The following ADGRL3 variants were observed in gnomAD, a reference collection of about 807,000 sequenced individuals.
ADGRL3 encodes the protein calcium-independent alpha-latrotoxin receptor 3.
Under a neutral mutation model 153.5 loss-of-function variants are expected in ADGRL3, and 62 were observed. That is an observed-to-expected ratio of 0.40 (90% CI 0.33 to 0.50). The LOEUF (loss-of-function observed/expected upper bound fraction) is 0.50. ADGRL3 is among the 20% of genes least tolerant of loss of function. The pLI is 0.47. For missense variants in ADGRL3, 1,641 were observed against 1,859.4 expected (o/e 0.88, Z 2.16); for synonymous variants, 710 against 672.5 (o/e 1.06, Z -0.86).
intron 8 of ADGRL3, among the ~76,000 whole-genome samples, chr4:61,782,844 G>A (rs189467553): frequency 1.6e-3 from 246 of 152,220 alleles, no homozygotes; most frequent in Non-Finnish European, 1.8e-3. Context: ...GACAGACATA[G>A]TCTGAATGTG....
In ADGRL3 at chr4:61,477,471, G is replaced by T. The variant is rs1054944251; in HGVS notation, c.-173-19650G>T. On this transcript the variant is annotated intron_variant, in intron 2 of 26. Transcript: ENST00000683033. ...TTAACATACCATGAATAAATTATCT[G>T]CACCAAAGTGCTTGATACAAAAATG... Among the ~76,000 whole-genome samples the T allele has an allele frequency of 3.3e-5, 5 of 152,168 alleles. No individual in the cohort carries two copies. The South Asian group carries it at 8.3e-4, about 25-fold the overall frequency.
chr4:61,491,589 T>C (rs1368832529), intron 2 of ADGRL3, among the ~76,000 whole-genome samples: 1 of 152,120 alleles, frequency 6.6e-6, no homozygotes, highest in Non-Finnish European at 1.5e-5. Context: ...TCATTTCTTT[T>C]TCATTATTTT....
At chr4:61,862,191 TG>T (rs1216207215) in intron 9 of ADGRL3, among the ~76,000 whole-genome samples, 1 of 152,176 alleles carries the variant, frequency 6.6e-6, no homozygotes, top group Non-Finnish European at 1.5e-5. Context: ...TACCATGACA[TG>T]GGTCTTTCCA....
intron 13 of ADGRL3, among the ~76,000 whole-genome samples, chr4:61,913,713 A>G (rs1486121934): frequency 6.6e-6 from 1 of 152,078 alleles, no homozygotes; most frequent in African/African-American, 2.4e-5. Flanking sequence ...AATGATCTGA[A>G]TATTCACATC....
At chr4:61,846,712 G>A (rs1332369308) in intron 9 of ADGRL3, among the ~76,000 whole-genome samples, 1 of 151,890 alleles carries the variant, frequency 6.6e-6, no homozygotes, top group African/African-American at 2.4e-5. Context: ...TCTGCAGGTC[G>A]TACAGGAAAC....
intron 9 of ADGRL3, among the ~76,000 whole-genome samples, chr4:61,879,210 C>T (rs1304193586): frequency 6.6e-6 from 1 of 152,124 alleles, no homozygotes; most frequent in East Asian, 1.9e-4. Context: ...TATTGTGTGT[C>T]AGTATTACTA....
intron 6 of ADGRL3, among the ~76,000 whole-genome samples, chr4:61,727,556 C>A (rs1204847867): frequency 1.3e-5 from 2 of 152,066 alleles, no homozygotes; most frequent in African/African-American, 4.8e-5. Context: ...TATTTATTAT[C>A]TCATTACAGA....
Position 61,582,980 on chromosome 4 carries a change from G to A in ADGRL3, c.260-4247G>A, listed in dbSNP as rs533094877. Among the ~76,000 whole-genome samples, 14 of 152,028 alleles carry A rather than the reference G, an allele frequency of 9.2e-5. No homozygotes were observed. The East Asian group carries it at 1.9e-3, about 21-fold the overall frequency. ...TATTCTACTCCTGAATTCTAGACTC[G>A]TGAATTCAACTGATTATTAACCATT... On this transcript the variant is annotated intron_variant, in intron 4 of 26. Transcript: ENST00000683033.
chr4:61,807,083 G>A (rs957825820), intron 8 of ADGRL3, among the ~76,000 whole-genome samples: 1 of 151,964 alleles, frequency 6.6e-6, no homozygotes, highest in African/African-American at 2.4e-5. Context: ...TTTAGCAAAT[G>A]GATTTCTCAA....
chr4:61,475,864 A>G (rs2098041310), intron 2 of ADGRL3, among the ~76,000 whole-genome samples: 1 of 140,374 alleles, frequency 7.1e-6, no homozygotes, highest in South Asian at 2.3e-4. Context: ...TAGATCATGT[A>G]CTGATGAACA....
At chr4:61,807,188 C>T (rs549611142) in intron 8 of ADGRL3, among the ~76,000 whole-genome samples, 1 of 152,070 alleles carries the variant, frequency 6.6e-6, no homozygotes, top group Admixed American at 6.5e-5. Flanking sequence ...ACATAGTAGA[C>T]CCACATTACA....
intron 1 of ADGRL3, among the ~76,000 whole-genome samples, chr4:61,312,646 A>C (rs750221649): frequency 6.6e-6 from 1 of 152,210 alleles, no homozygotes; most frequent in African/African-American, 2.4e-5. Flanking sequence ...TTAACATTAT[A>C]TGACATTATG....
At chr4:61,426,669 A>G (rs559938090) in intron 2 of ADGRL3, 1 of 152,416 alleles carries the variant, frequency 6.6e-6, no homozygotes, top group East Asian at 1.9e-4. Context: ...CCCCCAAGCC[A>G]GGCACCTTGG....
intron 2 of ADGRL3, among the ~76,000 whole-genome samples, chr4:61,470,803 AT>A: frequency 1.3e-5 from 2 of 152,108 alleles, no homozygotes. Context: ...ATTTAAAAAA[AT>A]AATAAAACAG....
chr4:61,452,377 C>T (rs1446848278), intron 2 of ADGRL3, among the ~76,000 whole-genome samples: 1 of 152,158 alleles, frequency 6.6e-6, no homozygotes, highest in Non-Finnish European at 1.5e-5. Context: ...TGGGTGTAAC[C>T]CTCCTGCAGT....
chr4:61,476,708 TAAAAAAAAAAAAAA>T (rs34866230), intron 2 of ADGRL3, among the ~76,000 whole-genome samples: 11 of 33,570 alleles, frequency 3.3e-4, no homozygotes, highest in Non-Finnish European at 4.3e-4. Flanking sequence ...AGACTCTGTC[TAAAAAAAAAAAAAA>T]AAAAAAAAAA....
intron 8 of ADGRL3, among the ~76,000 whole-genome samples, chr4:61,797,673 A>T (rs1312281597): frequency 6.6e-6 from 1 of 152,156 alleles, no homozygotes; most frequent in South Asian, 2.1e-4. Context: ...AAACCAAGAA[A>T]ACATCTGCAT....
rs1438516174 is a variant in ADGRL3, at chr4:61,211,267, C to T, written c.-240+9502C>T. Reference sequence around the variant, plus strand: ...AAAGAGTGAAGTTTTACTTAGGTATCAGGAAAAATTGGATACCTCTAGCCT... The same window carrying T: ...AAAGAGTGAAGTTTTACTTAGGTATTAGGAAAAATTGGATACCTCTAGCCT... On this transcript the variant is annotated intron_variant, in intron 1 of 26. Coordinates refer to ENST00000683033, the MANE Select transcript of ADGRL3 (RefSeq NM_001387552.1). Among the ~76,000 whole-genome samples the T allele has an allele frequency of 5.3e-5, 8 of 152,224 alleles. No homozygotes were observed. The East Asian group carries it at 1.5e-3, about 29-fold the overall frequency.
At chr4:61,315,519 T>C (rs1461434642) in intron 1 of ADGRL3, among the ~76,000 whole-genome samples, 1 of 152,136 alleles carries the variant, frequency 6.6e-6, no homozygotes, top group Non-Finnish European at 1.5e-5. Flanking sequence ...CTAAGCCTGT[T>C]AGTAGCAATG....
Sources: allele counts gnomAD v4.1 joint callset (sites outside exome capture counted in the v4.1 genomes callset), GRCh38; gene constraint gnomAD v4.1.1; transcripts MANE v1.5; gene names NCBI Gene and HGNC (gene_info 2026-07-23, HGNC 2026-07-21).